Variants in BMP10 observed in about 807,000 individuals in gnomAD.
BMP10 encodes bone morphogenetic protein 10.
In BMP10, 9 loss-of-function variants were observed where a neutral mutation model predicts 29.9. The ratio of observed to expected loss-of-function variants is 0.30; its 90% CI spans 0.18 to 0.53. The LOEUF is 0.53. BMP10 is among the 20% of genes least tolerant of loss of function. The probability of loss-of-function intolerance (pLI) is 0.96; values close to 1 mark genes in which losing one functional copy is unlikely to be tolerated. For missense variants in BMP10, 474 were observed against 524.3 expected (o/e 0.90, Z 0.94); for synonymous variants, 202 against 200.2 (o/e 1.01, Z -0.07).
intron 1 of BMP10, 55 bp from the exon 2 acceptor site, chr2:68,866,626 G>C: frequency 7.1e-7 from 1 of 1,399,406 alleles, no homozygotes; most frequent in African/African-American, 1.4e-5. Flanking sequence ...GGGAAAAACA[G>C]ATGCTTATTT....
In BMP10 at chr2:68,865,020, A is replaced by T. The variant is rs1682925222; in HGVS notation, c.*611T>A. Among the ~76,000 whole-genome samples the T allele has an allele frequency of 6.6e-6, 1 of 152,012 alleles. No homozygotes were observed. Among genetic ancestry groups the T allele is most frequent in the East Asian group, 1.9e-4 (1 of 5,182 alleles). ...CATTTTTTCCTGTTGTACCTCTAAG[A>T]CCTCTTAAGTCCATTTGGTTTCTGT... On this transcript the variant is annotated 3_prime_UTR_variant, in exon 2 of 2. Coordinates refer to ENST00000295379, the MANE Select transcript of BMP10 (RefSeq NM_014482.3). The surrounding 1 kb of genome is among the most constrained non-coding windows in gnomAD (Gnocchi z 4.7).
Position 68,863,996 on chromosome 2 carries a change from TG to T in BMP10, c.*1634del, listed in dbSNP as rs1445902809. On this transcript the variant is annotated 3_prime_UTR_variant, in exon 2 of 2. Coordinates refer to ENST00000295379, the MANE Select transcript of BMP10 (RefSeq NM_014482.3). ...GTTTGGAAACTGCTCTGCTCTGCTC[TG>T]GTTCCTCCTGCACAAAGCCCAGAAT... Among the ~76,000 whole-genome samples, 1 of 152,206 alleles carries T rather than the reference TG, an allele frequency of 6.6e-6. No homozygotes were observed. Among genetic ancestry groups the T allele is most frequent in the African/African-American group, 2.4e-5 (1 of 41,448 alleles).
At chr2:68,867,038 A>C (rs1240765554) in intron 1 of BMP10, among the ~76,000 whole-genome samples, 1 of 152,164 alleles carries the variant, frequency 6.6e-6, no homozygotes, top group East Asian at 1.9e-4. Context: ...AGATCCCCGC[A>C]CAGTTGGCTG....
chr2:68,870,946 A>G (rs2231340), intron 1 of BMP10, 79 bp downstream of exon 1: 17,311 of 1,264,032 alleles, frequency 0.014, 178 homozygotes, highest in Non-Finnish European at 0.017. Context: ...ACCCTTACCT[A>G]TATCATTCCC....
At position 68,866,434 on chromosome 2, in the gene BMP10, A is replaced by G. The variant is rs1173308256; in HGVS notation, c.472T>C (p.Tyr158His). The G allele has an allele frequency of 2.0e-5, 32 of 1,613,878 alleles. No homozygotes were observed. The highest frequency in any genetic ancestry group is 6.7e-5 in the Admixed American group (4 of 59,982). The change falls in exon 2 of 2, where the codon TAC (tyrosine) becomes CAC (histidine). Residue 158 changes from tyrosine (Y) to histidine (H), a missense_variant. Tyr to His is a moderately conservative substitution (Grantham distance 83). Coordinates refer to ENST00000295379, the MANE Select transcript of BMP10 (RefSeq NM_014482.3). Reference sequence around the variant, plus strand: ...GTAATTTTCCGGTCTACTCCATCGTATATCATACGATCCCTTTGCACCAGT... The same window carrying G: ...GTAATTTTCCGGTCTACTCCATCGTGTATCATACGATCCCTTTGCACCAGT... Reference protein sequence around the residue: ...YTLVQRDRMIYDGVDRKITIF... With the variant: ...YTLVQRDRMIHDGVDRKITIF...
Position 68,862,985 on chromosome 2 carries a change from T to A in BMP10, c.*2646A>T, listed in dbSNP as rs988905963. ...TTTTCATATCTCTTTAACAGAAGAG[T>A]GACTATAAGTGCTCGAGACAAGATT... On this transcript the variant is annotated 3_prime_UTR_variant, in exon 2 of 2. Transcript: ENST00000295379. Among the ~76,000 whole-genome samples, 13 of 151,920 alleles carry A rather than the reference T, an allele frequency of 8.6e-5. No homozygotes were observed. The highest frequency in any genetic ancestry group is 1.8e-4 in the Non-Finnish European group (12 of 67,982).
rs1410722690 is a variant in BMP10, at chr2:68,864,589, AT to A, written c.*1041del. Reference sequence around the variant, plus strand: ...CAAGAAGAAAGAGGGAAGGAAGAAGATGGAGCAGAGGAAAGCAGGGGTGCTG... The same window carrying A: ...CAAGAAGAAAGAGGGAAGGAAGAAGAGGAGCAGAGGAAAGCAGGGGTGCTG... On this transcript the variant is annotated 3_prime_UTR_variant, in exon 2 of 2. Coordinates refer to ENST00000295379, the MANE Select transcript of BMP10 (RefSeq NM_014482.3). 1.3e-5 allele frequency among the ~76,000 whole-genome samples: 2 copies of A among 152,120 alleles called. No individual in the cohort carries two copies. The highest frequency in any genetic ancestry group is 2.4e-5 in the African/African-American group (1 of 41,444).
intron 1 of BMP10, among the ~76,000 whole-genome samples, chr2:68,869,120 T>C (rs748616351): frequency 2.0e-5 from 3 of 152,238 alleles, no homozygotes; most frequent in African/African-American, 7.2e-5. Context: ...TGATCTTCTC[T>C]GGTTCTCACA....
At chr2:68,868,863 CAT>C (rs1231238640) in intron 1 of BMP10, among the ~76,000 whole-genome samples, 1 of 152,208 alleles carries the variant, frequency 6.6e-6, no homozygotes, top group African/African-American at 2.4e-5. Flanking sequence ...ATGAATGTTA[CAT>C]ATGTCAACAC....
In BMP10 at chr2:68,863,323, T is replaced by A. The variant is rs1006258591; in HGVS notation, c.*2308A>T. On this transcript the variant is annotated 3_prime_UTR_variant, in exon 2 of 2. Transcript: ENST00000295379. ...TAAGGGTTTTACCAGCACACCACTGTCATATGTATTAGACATAAAGAAAAT... is the reference window on the plus strand; with the variant it reads ...TAAGGGTTTTACCAGCACACCACTGACATATGTATTAGACATAAAGAAAAT... 6.6e-6 allele frequency among the ~76,000 whole-genome samples: 1 copy of A among 152,212 alleles called. No individual in the cohort carries two copies. The highest frequency in any genetic ancestry group is 1.5e-5 in the Non-Finnish European group (1 of 68,024).
intron 1 of BMP10, among the ~76,000 whole-genome samples, chr2:68,869,082 A>C (rs908883710): frequency 6.6e-6 from 1 of 152,188 alleles, no homozygotes; most frequent in African/African-American, 2.4e-5. Flanking sequence ...TTGTTGACAA[A>C]TTTCTCATGC....
chr2:68,869,993 C>G (rs1017275599), intron 1 of BMP10, among the ~76,000 whole-genome samples: 4 of 152,184 alleles, frequency 2.6e-5, no homozygotes, highest in African/African-American at 9.6e-5. Flanking sequence ...AATTGAGGCT[C>G]TGAGGCATCA....
chr2:68,866,609 G>T (rs780923512), intron 1 of BMP10, 38 bp from the exon 2 acceptor site: 62 of 1,519,466 alleles, frequency 4.1e-5, no homozygotes, highest in Non-Finnish European at 5.3e-5. Context: ...GTTTGCAGTG[G>T]GTCTCAGGGA....
In BMP10 at chr2:68,866,299, C is replaced by T. The variant is rs1292701511; in HGVS notation, c.607G>A (p.Val203Ile). Residue 203 changes from valine to isoleucine, a missense_variant, in exon 2 of 2, where the codon GTC (valine) becomes ATC (isoleucine). Physicochemically the swap from Val to Ile is conservative, Grantham distance 29 (BLOSUM62 3). Around this residue, in one of 2 missense-constraint regions of BMP10, gnomAD observed 408 missense variants for 415.3 expected, o/e 0.98. Coordinates refer to ENST00000295379, the MANE Select transcript of BMP10 (RefSeq NM_014482.3). ...GTNSEWETFD[V>I]TDAIRRWQKS... ...TGCCAACGTCTGATGGCATCTGTGA[C>T]ATCAAAAGTCTCCCACTCACTGTTG... is the stretch of plus-strand genomic sequence containing the variant. 1 of 1,614,080 alleles carries T rather than the reference C, an allele frequency of 6.2e-7. No homozygotes were observed. Among genetic ancestry groups the T allele is most frequent in the East Asian group, 2.2e-5 (1 of 44,864 alleles).
chr2:68,868,255 T>C (rs969497889), intron 1 of BMP10, among the ~76,000 whole-genome samples: 12 of 152,304 alleles, frequency 7.9e-5, no homozygotes, highest in African/African-American at 2.6e-4. Flanking sequence ...TTTCACCTTT[T>C]CACATGTTCT....
At chr2:68,866,668 C>T in intron 1 of BMP10, 97 bp from the exon 2 acceptor site, 2 of 875,686 alleles carry the variant, frequency 2.3e-6, no homozygotes, top group Non-Finnish European at 3.4e-6. Context: ...ATGCACAAAG[C>T]TTAATGCAGA....
intron 1 of BMP10, 110 bp from the exon 2 acceptor site, chr2:68,866,681 G>T: frequency 5.1e-6 from 4 of 788,894 alleles, no homozygotes; most frequent in Non-Finnish European, 7.9e-6. Context: ...AATGCAGAAA[G>T]AATGAAGGGA....
chr2:68,867,660 C>T (rs1682990332), intron 1 of BMP10, among the ~76,000 whole-genome samples: 2 of 152,108 alleles, frequency 1.3e-5, no homozygotes, highest in African/African-American at 4.8e-5. Flanking sequence ...AGGCATTTGC[C>T]ATCAGATTAT....
rs974980996 is a variant in BMP10 at position 68,863,488 on chromosome 2, C to A, written c.*2143G>T. On this transcript the variant is annotated 3_prime_UTR_variant, in exon 2 of 2. Coordinates refer to ENST00000295379, the MANE Select transcript of BMP10 (RefSeq NM_014482.3). ...TGTGTACCATGGAGTATGAAGGATG[C>A]ACCACGTTCCACTGAGGGTATTAAG... Among the ~76,000 whole-genome samples the A allele has an allele frequency of 6.6e-6, 1 of 152,146 alleles. No individual in the cohort carries two copies. The highest frequency in any genetic ancestry group is 2.4e-5 in the African/African-American group (1 of 41,428).
Sources: gnomAD v4.1 joint callset for allele counts (sites outside exome capture counted in the v4.1 genomes callset) on GRCh38, gnomAD v4.1.1 for gene constraint, gnomAD v4.1.1 regional missense constraint, Gnocchi (gnomAD v3.1) non-coding constraint, MANE v1.5 for transcripts, NCBI Gene and HGNC (gene_info 2026-07-23, HGNC 2026-07-21) for gene names.